NSD2: variants seen among roughly 807,000 people sequenced by gnomAD.
The protein encoded by NSD2 is nuclear receptor binding SET domain protein 2.
A neutral mutation model predicts 139.0 loss-of-function variants in NSD2; 12 were observed. That is an observed-to-expected ratio of 0.09 (90% CI 0.06 to 0.14). The LOEUF (loss-of-function observed/expected upper bound fraction) is 0.14. NSD2 is among the 10% of genes least tolerant of loss of function. NSD2 has a pLI of 1.00. For missense variants in NSD2, 1,155 were observed against 1,745.0 expected (o/e 0.66, Z 6.02); for synonymous variants, 669 against 648.7 (o/e 1.03, Z -0.48).
intron 3 of NSD2, among the ~76,000 whole-genome samples, chr4:1,910,959 C>A (rs1291495135): frequency 6.6e-6 from 1 of 152,124 alleles, no homozygotes; most frequent in Non-Finnish European, 1.5e-5. Context: ...TTCTTGGCTT[C>A]CGCAGACACC....
Position 1,900,835 on chromosome 4 carries a change from G to T in NSD2, c.181G>T (p.Val61Phe). ...AQLSSSLQEG[V>F]MQKFNGHDAL... ...GCTCTCCAGTAGCCTGCAGGAGGGG[G>T]TCATGCAGAAGTTTAACGGCCACGA... The change falls in exon 2 of 22, where the codon GTC becomes TTC. Residue 61 changes from valine (V) to phenylalanine (F), a missense_variant. Around this residue, in one of 8 missense-constraint regions of NSD2, gnomAD observed 246 missense variants for 262.8 expected, o/e 0.94. Transcript: ENST00000508803. The T allele has an allele frequency of 6.2e-7, 1 of 1,613,854 alleles. No individual in the cohort carries two copies. Among genetic ancestry groups the T allele is most frequent in the Non-Finnish European group, 8.5e-7 (1 of 1,179,912 alleles).
intron 1 of NSD2, among the ~76,000 whole-genome samples, chr4:1,894,921 TCCCATAATTC>T (rs1322578472): frequency 6.6e-6 from 1 of 152,188 alleles, no homozygotes; most frequent in African/African-American, 2.4e-5. Context: ...TGAAACTCTG[TCCCATAATTC>T]CCCATCCTCC....
In NSD2 at chr4:1,958,741, G is replaced by A. The variant is rs1725080709; in HGVS notation, c.2985+705G>A. 6.6e-6 allele frequency among the ~76,000 whole-genome samples: 1 copy of A among 152,220 alleles called. No homozygotes were observed. Among genetic ancestry groups the A allele is most frequent in the Non-Finnish European group, 1.5e-5 (1 of 68,042 alleles). On this transcript the variant is annotated intron_variant, in intron 16 of 21. Transcript: ENST00000508803. This position sits in a 1 kb window ranked among gnomAD's most constrained non-coding sequence, Gnocchi z 4.6. ...TTCATCTTTATATAATATTTTCTTTGGGATGGATTCCCAGAAACAGAATCA... is the reference window on the plus strand; with the variant it reads ...TTCATCTTTATATAATATTTTCTTTAGGATGGATTCCCAGAAACAGAATCA...
At chr4:1,926,416 G>A (rs201357803) in intron 5 of NSD2, among the ~76,000 whole-genome samples, 2 of 151,846 alleles carry the variant, frequency 1.3e-5, no homozygotes, top group East Asian at 3.9e-4. Context: ...GCCTCCCAAA[G>A]TGCTGCGATT....
At chr4:1,925,924 T>C (rs1720852546) in intron 5 of NSD2, among the ~76,000 whole-genome samples, 1 of 151,806 alleles carries the variant, frequency 6.6e-6, no homozygotes, top group Non-Finnish European at 1.5e-5. Flanking sequence ...CACCTCAGCC[T>C]CCCTAGTAGC....
At chr4:1,871,864 C>G (rs1455051882) in intron 1 of NSD2, among the ~76,000 whole-genome samples, 2 of 142,610 alleles carry the variant, frequency 1.4e-5, no homozygotes, top group South Asian at 4.3e-4. Flanking sequence ...GCGGCGGCGG[C>G]TAACGGGGCC....
At position 1,918,372 on chromosome 4, in the gene NSD2, C is replaced by G. The variant is rs1340418858; in HGVS notation, c.1159C>G (p.Pro387Ala). The G allele has an allele frequency of 6.2e-7, 1 of 1,613,994 alleles. No homozygotes were observed. Among genetic ancestry groups the G allele is most frequent in the Non-Finnish European group, 8.5e-7 (1 of 1,180,010 alleles). The part of the protein sequence containing the change: ...SGVSEEAAEN[P>A]KSVREECIPM... ...AGTCAGTGAAGAAGCTGCTGAAAAC[C>G]CCAAGTCTGTGAGAGAAGAGTGCAT... Residue 387 changes from proline (P) to alanine (A), a missense_variant, in exon 5 of 22, where the codon CCC becomes GCC. Physicochemically the swap from Pro to Ala is conservative, Grantham distance 27 (BLOSUM62 -1). Transcript: ENST00000508803.
At chr4:1,937,529 A>G (rs377268240) in intron 7 of NSD2, among the ~76,000 whole-genome samples, 54 of 151,608 alleles carry the variant, frequency 3.6e-4, no homozygotes, top group African/African-American at 1.2e-3. Context: ...GAGATAGCAC[A>G]TGATAAAAAG....
chr4:1,900,999 C>T lies in NSD2; in HGVS notation c.345C>T (p.Thr115=), dbSNP rs1314670624. 1.9e-6 allele frequency: 3 copies of T among 1,614,180 alleles called. No individual in the cohort carries two copies. Among genetic ancestry groups the T allele is most frequent in the Non-Finnish European group, 2.5e-6 (3 of 1,180,036 alleles). The change falls in exon 2 of 22, where the codon ACC becomes ACT. Residue 115 remains threonine (T), a synonymous_variant. Transcript: ENST00000508803. ...MKGIGTPPNT[T]PIKNGSPEIK... ...GGATTGGGACACCCCCTAACACTACCCCTATCAAAAATGGCTCTCCAGAAA... is the reference window on the plus strand; with the variant it reads ...GGATTGGGACACCCCCTAACACTACTCCTATCAAAAATGGCTCTCCAGAAA...
Position 1,942,128 on chromosome 4 carries a change from C to G in NSD2, c.1881+2350C>G. On this transcript the variant is annotated intron_variant, in intron 9 of 21. Transcript: ENST00000508803. The surrounding 1 kb of genome is among the most constrained non-coding windows in gnomAD (Gnocchi z 4.0). ...AGGTCATGTTGTAGTTTAAATTCTT[C>G]TTGAAAAAGGTATATGTGATAAATA... The G allele has an allele frequency of 3.9e-6, 5 of 1,270,384 alleles. No individual in the cohort carries two copies. Among genetic ancestry groups the G allele is most frequent in the Non-Finnish European group, 5.0e-6 (5 of 1,004,764 alleles). 78.7% of individuals were successfully genotyped at this position (1,270,384 alleles called of 1,614,324 possible).
At chr4:1,909,910 A>G (rs1718437736) in intron 3 of NSD2, among the ~76,000 whole-genome samples, 1 of 151,802 alleles carries the variant, frequency 6.6e-6, no homozygotes, top group Non-Finnish European at 1.5e-5. Context: ...AAGTGCTGTG[A>G]TTACAGGCGT....
At chr4:1,881,623 C>T (rs189956084) in intron 1 of NSD2, among the ~76,000 whole-genome samples, 3 of 152,240 alleles carry the variant, frequency 2.0e-5, no homozygotes, top group Admixed American at 6.5e-5. Flanking sequence ...TCTTGAATTC[C>T]TCGACTCAAG....
chr4:1,952,398 C>A (rs1724365051), intron 11 of NSD2, among the ~76,000 whole-genome samples, 167 bp downstream of exon 11: 1 of 152,192 alleles, frequency 6.6e-6, no homozygotes, highest in East Asian at 1.9e-4. Flanking sequence ...GGTGTACCCA[C>A]CTCTCAGTAG....
At chr4:1,934,159 C>T (rs1186024006) in intron 6 of NSD2, among the ~76,000 whole-genome samples, 1 of 151,386 alleles carries the variant, frequency 6.6e-6, no homozygotes, top group East Asian at 2.0e-4. Context: ...AATCTCGGCT[C>T]ACTGCAACCT....
At chr4:1,978,301 A>AG (rs1727331013) in intron 21 of NSD2, among the ~76,000 whole-genome samples, 1 of 152,146 alleles carries the variant, frequency 6.6e-6, no homozygotes, top group African/African-American at 2.4e-5. Flanking sequence ...CCCTTGGGAG[A>AG]GGGCAGGTCA....
chr4:1,939,956 A>G (rs1347187656), intron 9 of NSD2, 178 bp downstream of exon 9: 7 of 1,451,706 alleles, frequency 4.8e-6, no homozygotes, highest in African/African-American at 1.4e-5. Flanking sequence ...ACAGTGCACT[A>G]TGTTAGTTTA....
rs1328580847 is a variant in NSD2, at chr4:1,951,142, T to C, written c.1952T>C (p.Val651Ala). Residue 651 changes from valine to alanine, a missense_variant, in exon 10 of 22, where the codon GTA becomes GCA. Around this residue, in one of 8 missense-constraint regions of NSD2, gnomAD observed 420 missense variants for 469.0 expected, o/e 0.90. Coordinates refer to ENST00000508803, the MANE Select transcript of NSD2 (RefSeq NM_001042424.3). ...YESADETQTE[V>A]SVSSKKSERG... ...AGTGCAGACGAAACACAAACTGAAG[T>C]ATCTGTCTCATCCAAAAAGTCTGAG... is the stretch of plus-strand genomic sequence containing the variant. The C allele has an allele frequency of 6.2e-7, 1 of 1,614,172 alleles. No individual in the cohort carries two copies. The highest frequency in any genetic ancestry group is 1.3e-5 in the African/African-American group (1 of 75,066).
chr4:1,971,826 G>C (rs559645771), intron 18 of NSD2, among the ~76,000 whole-genome samples: 1 of 152,336 alleles, frequency 6.6e-6, no homozygotes, highest in South Asian at 2.1e-4. Context: ...TCATTTTCAT[G>C]AACACCAGAA....
chr4:1,884,647 C>G (rs746421387), intron 1 of NSD2, among the ~76,000 whole-genome samples: 55 of 152,072 alleles, frequency 3.6e-4, no homozygotes, highest in Non-Finnish European at 7.1e-4. Context: ...CTGCCTTGGC[C>G]TCCCAAAGTG....
Sources: allele counts gnomAD v4.1 joint callset (sites outside exome capture counted in the v4.1 genomes callset), GRCh38; gene constraint gnomAD v4.1.1; regional missense constraint gnomAD v4.1.1; non-coding constraint Gnocchi (gnomAD v3.1); transcripts MANE v1.5; gene names NCBI Gene and HGNC (gene_info 2026-07-23, HGNC 2026-07-21).